Variants in ZFHX3 observed in about 807,000 individuals in gnomAD.
ZFHX3 encodes zinc finger homeobox 3, also known as zinc finger homeobox protein 3.
A neutral mutation model predicts 279.1 loss-of-function variants in ZFHX3; 42 were observed. The ratio of observed to expected loss-of-function variants is 0.15; its 90% CI spans 0.12 to 0.19. ZFHX3 has a LOEUF of 0.19. ZFHX3 is among the 10% of genes least tolerant of loss of function. The pLI, the probability that ZFHX3 is intolerant of heterozygous loss-of-function variation, is 1.00. For missense variants in ZFHX3, 4,981 were observed against 4,754.0 expected (o/e 1.05, Z -1.40); for synonymous variants, 2,293 against 1,957.8 (o/e 1.17, Z -4.52).
chr16:73,888,309 C>G (rs532645147), intron 1 of ZFHX3, among the ~76,000 whole-genome samples: 1 of 152,300 alleles, frequency 6.6e-6, no homozygotes, highest in East Asian at 1.9e-4. Context: ...TCCCCTTCCC[C>G]CCACGGAAAC....
At chr16:73,107,171 G>T (rs916835894) in intron 7 of ZFHX3, among the ~76,000 whole-genome samples, 1 of 152,070 alleles carries the variant, frequency 6.6e-6, no homozygotes, top group Non-Finnish European at 1.5e-5. Flanking sequence ...CTAGCTGAGT[G>T]TGGTGGTGTG....
intron 3 of ZFHX3, among the ~76,000 whole-genome samples, chr16:73,370,395 C>G (rs559535931): frequency 1.3e-5 from 2 of 152,164 alleles, no homozygotes; most frequent in Non-Finnish European, 2.9e-5. Flanking sequence ...AAGGTTCGAG[C>G]ATATGGGAGG....
intron 3 of ZFHX3, among the ~76,000 whole-genome samples, chr16:72,934,989 T>C (rs1372893925): frequency 5.3e-5 from 8 of 152,222 alleles, no homozygotes; most frequent in Admixed American, 3.9e-4. Context: ...TTGAATGTAA[T>C]AGAAAGCATC....
At chr16:73,349,841 C>T (rs541710671) in intron 3 of ZFHX3, among the ~76,000 whole-genome samples, 1 of 143,640 alleles carries the variant, frequency 7.0e-6, no homozygotes, top group Admixed American at 6.9e-5. Context: ...CCCTTCCTTC[C>T]TTCTTCCCTC....
At position 72,996,620 on chromosome 16, in the gene ZFHX3, G is replaced by A. The variant is rs140142649; in HGVS notation, c.-49-36426C>T. On this transcript the variant is annotated intron_variant, in intron 1 of 9. Coordinates refer to ENST00000268489, the MANE Select transcript of ZFHX3 (RefSeq NM_006885.4). ...ATAACTGGTTGTGAGCCTACAAGGC[G>A]GGGAGGGGCTGGGGGCGTGGGAACC... Among the ~76,000 whole-genome samples, 994 of 152,294 alleles carry A rather than the reference G, an allele frequency of 6.5e-3. 5 individuals are homozygous for A. The highest frequency in any genetic ancestry group is 0.017 in the Admixed American group (265 of 15,306).
chr16:72,935,136 A>G (rs1960048692), intron 3 of ZFHX3, among the ~76,000 whole-genome samples: 1 of 152,172 alleles, frequency 6.6e-6, no homozygotes, highest in Non-Finnish European at 1.5e-5. Context: ...TCGTCAACAA[A>G]GTTTAAAAGT....
At chr16:73,080,546 C>A (rs911286682) in intron 8 of ZFHX3, among the ~76,000 whole-genome samples, 7 of 152,252 alleles carry the variant, frequency 4.6e-5, no homozygotes, top group African/African-American at 1.7e-4. Flanking sequence ...TGGGAATCCA[C>A]ATTTTAAACA....
chr16:73,540,470 G>C (rs957109638), intron 2 of ZFHX3, among the ~76,000 whole-genome samples: 26 of 152,226 alleles, frequency 1.7e-4, no homozygotes, highest in African/African-American at 6.3e-4. Flanking sequence ...AATCTCCTAA[G>C]AGAATCTAGT....
intron 1 of ZFHX3, among the ~76,000 whole-genome samples, chr16:73,823,862 G>A (rs577178577): frequency 2.0e-5 from 3 of 152,140 alleles, no homozygotes; most frequent in African/African-American, 4.8e-5. Flanking sequence ...GTCTTTCAGC[G>A]GACGCTCTGA....
intron 5 of ZFHX3, among the ~76,000 whole-genome samples, chr16:72,815,623 T>C (rs941544134): frequency 2.6e-5 from 4 of 152,214 alleles, no homozygotes; most frequent in Admixed American, 2.0e-4. Context: ...AGAGAGAAAG[T>C]ACTGTGGTTT....
intron 3 of ZFHX3, among the ~76,000 whole-genome samples, chr16:73,376,761 A>G (rs977666896): frequency 6.6e-6 from 1 of 152,190 alleles, no homozygotes; most frequent in Non-Finnish European, 1.5e-5. Flanking sequence ...GACATAGTAG[A>G]TGACCCACCT....
At chr16:73,375,788 A>C (rs1055142190) in intron 3 of ZFHX3, among the ~76,000 whole-genome samples, 6 of 152,174 alleles carry the variant, frequency 3.9e-5, no homozygotes, top group African/African-American at 1.4e-4. Context: ...TCCAACCATC[A>C]GCGATATCAT....
At position 72,788,879 on chromosome 16, in the gene ZFHX3, C is replaced by A. The variant is rs1340286922; in HGVS notation, c.9428-31G>T. Reference sequence around the variant, plus strand: ...AGGAATGGAGACAGAAATCACCGGTCAGTCTGGGCAGGGGTAGGGCTGAAG... The same window carrying A: ...AGGAATGGAGACAGAAATCACCGGTAAGTCTGGGCAGGGGTAGGGCTGAAG... On this transcript the variant is annotated intron_variant, in intron 9 of 9. Transcript: ENST00000268489. 5 of 1,513,886 alleles carry A rather than the reference C, an allele frequency of 3.3e-6. No homozygotes were observed. The South Asian group carries it at 5.5e-5, about 17-fold the overall frequency. The allele number at this position is 1,513,886 out of a possible 1,614,324, so 93.8% of individuals were successfully genotyped here.
intron 5 of ZFHX3, among the ~76,000 whole-genome samples, chr16:73,237,867 G>T (rs556554108): frequency 6.6e-6 from 1 of 152,178 alleles, no homozygotes; most frequent in South Asian, 2.1e-4. Flanking sequence ...TCCTCTATTT[G>T]TTCCTCCTTT....
Position 73,606,505 on chromosome 16 carries a change from C to T in ZFHX3, c.-1547+73675G>A, listed in dbSNP as rs1190050720. Among the ~76,000 whole-genome samples, 3 of 151,082 alleles carry T rather than the reference C, an allele frequency of 2.0e-5. No homozygotes were observed. In the East Asian group the frequency reaches 5.8e-4, roughly 29 times the overall value. On this transcript the variant is annotated intron_variant, in intron 2 of 17. Coordinates refer to the ZFHX3 transcript ENST00000641206. ...TTGTCTCAAAAAAAAAAAAAAAAAT[C>T]CATGCTTGTCTTGGTCCTAGGGCCT...
intron 2 of ZFHX3, among the ~76,000 whole-genome samples, chr16:73,472,855 G>A (rs928099246): frequency 6.6e-6 from 1 of 152,056 alleles, no homozygotes; most frequent in Admixed American, 6.6e-5. Flanking sequence ...CCAGAAGCAT[G>A]GTTCCTTCTA....
chr16:73,391,176 A>G (rs1412979186), intron 3 of ZFHX3, among the ~76,000 whole-genome samples: 1 of 152,186 alleles, frequency 6.6e-6, no homozygotes, highest in East Asian at 1.9e-4. Flanking sequence ...CCAGTGAGTC[A>G]TTAAGACCCT....
intron 5 of ZFHX3, among the ~76,000 whole-genome samples, chr16:73,175,567 A>G (rs1036368466): frequency 2.6e-5 from 4 of 152,216 alleles, no homozygotes; most frequent in African/African-American, 9.6e-5. Context: ...ATTAACACAC[A>G]CAAAACATCT....
chr16:72,927,406 C>G (rs1477578004), intron 3 of ZFHX3, among the ~76,000 whole-genome samples: 1 of 152,208 alleles, frequency 6.6e-6, no homozygotes, highest in Non-Finnish European at 1.5e-5. Context: ...GAGGGCAACA[C>G]CTGCTCCAGG....
Sources: gnomAD v4.1 joint callset for allele counts (sites outside exome capture counted in the v4.1 genomes callset) on GRCh38, gnomAD v4.1.1 for gene constraint, MANE v1.5 for transcripts, NCBI Gene and HGNC (gene_info 2026-07-23, HGNC 2026-07-21) for gene names.